Variants in CEP350 observed in about 807,000 individuals in gnomAD.
The protein encoded by CEP350 is centrosome-associated protein 350.
Under a neutral mutation model 331.8 loss-of-function variants are expected in CEP350, and 126 were observed. That is an observed-to-expected ratio of 0.38 (90% CI 0.33 to 0.44). The LOEUF (loss-of-function observed/expected upper bound fraction) is 0.44, where lower values mean the gene tolerates loss of function less well. Among genes scored for constraint, CEP350 ranks in the 20% least tolerant of loss-of-function variants. The probability of loss-of-function intolerance (pLI) is 1.00; values close to 1 mark genes in which losing one functional copy is unlikely to be tolerated. For missense variants in CEP350, 3,406 were observed against 3,634.6 expected (o/e 0.94, Z 1.62); for synonymous variants, 1,200 against 1,259.5 (o/e 0.95, Z 1.00).
At chr1:180,024,618 C>T (rs1211837074) in intron 14 of CEP350, 36 bp downstream of exon 14, 3 of 1,563,282 alleles carry the variant, frequency 1.9e-6, no homozygotes, top group Admixed American at 3.8e-5. Context: ...TTTTCTCTTA[C>T]CAATGATTTT....
In CEP350 at chr1:180,003,858, G is replaced by C. The variant is rs142953751; in HGVS notation, c.1132+571G>C. On this transcript the variant is annotated intron_variant, in intron 7 of 37. Transcript: ENST00000367607. Reference sequence around the variant, plus strand: ...ACAGTTGAGGAAATGGAGGCTCAAAGAGTCATTTTCCTAGGGTTGGATAGA... The same window carrying C: ...ACAGTTGAGGAAATGGAGGCTCAAACAGTCATTTTCCTAGGGTTGGATAGA... Among the ~76,000 whole-genome samples the C allele has an allele frequency of 2.6e-5, 4 of 152,190 alleles. No homozygotes were observed. In the East Asian group the frequency reaches 7.7e-4, roughly 29 times the overall value.
chr1:180,060,403 C>T (rs1238543457), intron 25 of CEP350, among the ~76,000 whole-genome samples: 1 of 152,198 alleles, frequency 6.6e-6, no homozygotes, highest in Non-Finnish European at 1.5e-5. Flanking sequence ...AATCCCAGTG[C>T]TTTGGGAGGC....
intron 14 of CEP350, among the ~76,000 whole-genome samples, chr1:180,027,705 A>C (rs778274596): frequency 6.6e-6 from 1 of 152,098 alleles, no homozygotes; most frequent in Non-Finnish European, 1.5e-5. Context: ...ATATATTATA[A>C]TTTATTTAAC....
chr1:179,989,398 G>T (rs1218606468), intron 3 of CEP350, among the ~76,000 whole-genome samples: 2 of 149,816 alleles, frequency 1.3e-5, no homozygotes, highest in Admixed American at 6.7e-5. Context: ...TGGGAGGATC[G>T]CTTGAGCCCA....
chr1:179,988,198 G>A lies in CEP350; in HGVS notation c.120+912G>A, dbSNP rs113547682. 4.6e-3 allele frequency among the ~76,000 whole-genome samples: 698 copies of A among 151,954 alleles called. 8 individuals are homozygous for A. The highest frequency in any genetic ancestry group is 0.016 in the African/African-American group (646 of 41,406). On this transcript the variant is annotated intron_variant, in intron 3 of 37. Coordinates refer to ENST00000367607, the MANE Select transcript of CEP350 (RefSeq NM_014810.5). ...TGTGGTCCCAGCCACTCGGGAGGCT[G>A]AGGTGGGATGATTACCTGAGCCCAG... is the stretch of plus-strand genomic sequence containing the variant.
rs550689044 is a variant in CEP350, at chr1:180,016,236, A to G, written c.2174+266A>G. ...CTCTTGCCTTCTGTGAACTAAACAC[A>G]CAATAAAAGTGTGTTGGATGAATGA... On this transcript the variant is annotated intron_variant, in intron 11 of 37. Transcript: ENST00000367607. 2.6e-4 allele frequency among the ~76,000 whole-genome samples: 39 copies of G among 152,366 alleles called. 1 individual carries two copies. In the South Asian group the frequency reaches 5.2e-3, roughly 20 times the overall value.
intron 1 of CEP350, among the ~76,000 whole-genome samples, chr1:179,983,328 G>A (rs926667898): frequency 1.3e-5 from 2 of 151,438 alleles, no homozygotes; most frequent in Admixed American, 1.3e-4. Flanking sequence ...TCTGCCTCCT[G>A]GGTTCAAGCA....
intron 25 of CEP350, among the ~76,000 whole-genome samples, chr1:180,061,875 A>G (rs1195593440): frequency 6.6e-6 from 1 of 152,234 alleles, no homozygotes; most frequent in East Asian, 1.9e-4. Flanking sequence ...TAATAGTTAC[A>G]TTAATTAGTT....
At chr1:180,029,736 C>G (rs1430294553) in intron 14 of CEP350, among the ~76,000 whole-genome samples, 4 of 152,186 alleles carry the variant, frequency 2.6e-5, no homozygotes, top group Non-Finnish European at 4.4e-5. Flanking sequence ...AGTACATTCA[C>G]ATTGTTTTGC....
chr1:179,991,655 G>GTA (rs199720658), intron 4 of CEP350, among the ~76,000 whole-genome samples: 474 of 115,342 alleles, frequency 4.1e-3, no homozygotes, highest in South Asian at 0.013. Context: ...ACTGTGATAT[G>GTA]TATATATATA....
At chr1:180,029,840 A>G (rs1191448819) in intron 14 of CEP350, among the ~76,000 whole-genome samples, 1 of 152,132 alleles carries the variant, frequency 6.6e-6, no homozygotes, top group African/African-American at 2.4e-5. Flanking sequence ...CTCTTCTCCC[A>G]GCACCTAGTG....
At chr1:180,002,703 C>A (rs956424722) in intron 6 of CEP350, among the ~76,000 whole-genome samples, 4 of 152,126 alleles carry the variant, frequency 2.6e-5, no homozygotes, top group African/African-American at 9.7e-5. Flanking sequence ...AAATGTCTAT[C>A]AGCTGATGAA....
At position 180,096,173 on chromosome 1, in the gene CEP350, G is replaced by T; in HGVS notation, c.9055G>T (p.Asp3019Tyr). 1 of 1,563,500 alleles carries T rather than the reference G, an allele frequency of 6.4e-7. No individual in the cohort carries two copies. Among genetic ancestry groups the T allele is most frequent in the South Asian group, 1.2e-5 (1 of 84,278 alleles). Residue 3019 changes from aspartate to tyrosine, a missense_variant, in exon 36 of 38, where the codon GAT becomes TAT. Coordinates refer to ENST00000367607, the MANE Select transcript of CEP350 (RefSeq NM_014810.5). Reference sequence around the variant, plus strand: ...ACGAGTGAAAAATCCAAATAACCTTGATGAAATCAAGGTAAACTGCAAACT... The same window carrying T: ...ACGAGTGAAAAATCCAAATAACCTTTATGAAATCAAGGTAAACTGCAAACT... Reference protein sequence around the residue: ...FRRVKNPNNLDEIKSFIASEV... With the variant: ...FRRVKNPNNLYEIKSFIASEV...
Position 180,048,568 on chromosome 1 carries a change from C to T in CEP350, c.4655C>T (p.Pro1552Leu). The T allele has an allele frequency of 1.2e-6, 2 of 1,609,320 alleles. No individual in the cohort carries two copies. Among genetic ancestry groups the T allele is most frequent in the Non-Finnish European group, 1.7e-6 (2 of 1,177,038 alleles). ...AGTGGTAGCAGCCGCCAAGAAAGTC[C>T]TTCAGTTCCATCTTGTAAGGAAAAT... ...SSSGSSRQESPSVPSCKENEK... is the reference protein window; with the variant it reads ...SSSGSSRQESLSVPSCKENEK... The change falls in exon 22 of 38, where the codon CCT becomes CTT. Residue 1552 changes from proline (P) to leucine (L), a missense_variant. Pro to Leu is a moderately conservative substitution (Grantham distance 98). This residue lies in a region of CEP350 where 1,857 missense variants were observed against 1,909.2 expected (regional missense o/e 0.97). Coordinates refer to ENST00000367607, the MANE Select transcript of CEP350 (RefSeq NM_014810.5).
rs35572192 is a variant in CEP350 at position 180,063,186 on chromosome 1, CTTT to C, written c.5409+839_5409+841del. On this transcript the variant is annotated intron_variant, in intron 26 of 37. Coordinates refer to ENST00000367607, the MANE Select transcript of CEP350 (RefSeq NM_014810.5). ...TATTAGACAAAAACAAAATTTGAAA[CTTT>C]TTTTTTTTTTTTTTTTTTGGAGACA... Among the ~76,000 whole-genome samples, 776 of 106,954 alleles carry C rather than the reference CTTT, an allele frequency of 7.3e-3. 3 individuals carry two copies. Among genetic ancestry groups the C allele is most frequent in the Admixed American group, 9.2e-3 (80 of 8,734 alleles). 70.2% of individuals were successfully genotyped at this position (106,954 alleles called of 152,430 possible).
At chr1:180,073,889 A>G (rs1474041097) in intron 27 of CEP350, 7 of 1,304,602 alleles carry the variant, frequency 5.4e-6, no homozygotes, top group Non-Finnish European at 7.1e-6. Flanking sequence ...CCAGCTGTAT[A>G]TCTACAACCA....
intron 7 of CEP350, among the ~76,000 whole-genome samples, chr1:180,005,786 C>T (rs773338206): frequency 2.6e-5 from 4 of 152,146 alleles, no homozygotes; most frequent in Non-Finnish European, 4.4e-5. Context: ...GACCTGCTTG[C>T]TGGGTTTCTT....
At chr1:180,044,211 T>A in intron 21 of CEP350, 38 bp downstream of exon 21, 1 of 1,497,368 alleles carries the variant, frequency 6.7e-7, no homozygotes, top group South Asian at 1.3e-5. Flanking sequence ...TACAGTTTAG[T>A]AGATTGTGAT....
intron 28 of CEP350, among the ~76,000 whole-genome samples, chr1:180,077,097 A>C (rs1335268677): frequency 6.6e-6 from 1 of 152,192 alleles, no homozygotes; most frequent in Non-Finnish European, 1.5e-5. Context: ...CATTACTTAC[A>C]GTTAATAAAA....
Sources: gnomAD v4.1 joint callset for allele counts (sites outside exome capture counted in the v4.1 genomes callset) on GRCh38, gnomAD v4.1.1 for gene constraint, gnomAD v4.1.1 regional missense constraint, MANE v1.5 for transcripts, NCBI Gene and HGNC (gene_info 2026-07-23, HGNC 2026-07-21) for gene names.